CCN6: variants seen among roughly 807,000 people sequenced by gnomAD.
CCN6 encodes cellular communication network factor 6, also known as CCN family member 6.
CCN6 carries 31 observed loss-of-function variants against 37.4 expected under a neutral mutation model. The observed-to-expected ratio is 0.83, with a 90% CI of 0.62 to 1.12. The LOEUF (loss-of-function observed/expected upper bound fraction) is 1.12. CCN6 is among the 50% of genes most tolerant of loss of function. CCN6 has a pLI of 0.00. For synonymous variants in CCN6, 137 were observed against 142.1 expected (o/e 0.96, Z 0.26); for missense variants, 369 against 413.8 (o/e 0.89, Z 0.94).
At chr6:112,053,973 A>T, upstream of CCN6, 1 of 403,828 alleles carries the variant, frequency 2.5e-6, no homozygotes, top group Non-Finnish European at 4.7e-6. Context: ...GAGGGCAAGG[A>T]AGGGAATGAC....
intron 1 of CCN6, among the ~76,000 whole-genome samples, chr6:112,058,674 A>G (rs1776419891): frequency 6.6e-6 from 1 of 152,252 alleles, no homozygotes; most frequent in East Asian, 1.9e-4. Flanking sequence ...AGAATGTCCC[A>G]GGCAGGAGGA....
At chr6:112,057,541 C>A (rs895528758) in intron 1 of CCN6, among the ~76,000 whole-genome samples, 2 of 152,058 alleles carry the variant, frequency 1.3e-5, no homozygotes, top group African/African-American at 4.8e-5. Flanking sequence ...GGAAGACAAC[C>A]CAGATGAATC....
intron 3 of CCN6, among the ~76,000 whole-genome samples, chr6:112,067,628 G>A (rs1240256912): frequency 6.6e-6 from 1 of 152,088 alleles, no homozygotes; most frequent in Non-Finnish European, 1.5e-5. Context: ...TTATACGCTT[G>A]CAATGACTTT....
chr6:112,067,537 T>C (rs1776734820), intron 3 of CCN6, among the ~76,000 whole-genome samples: 1 of 152,140 alleles, frequency 6.6e-6, no homozygotes, highest in Non-Finnish European at 1.5e-5. Context: ...TTTTCATATG[T>C]AATTCGAAAT....
intron 1 of CCN6, chr6:112,054,819 A>G (rs1448546844): frequency 4.4e-6 from 1 of 228,504 alleles, no homozygotes; most frequent in Non-Finnish European, 8.8e-6. Context: ...GAATTTTGAC[A>G]GCGACTTTTT....
chr6:112,057,536 A>C (rs1307621804), intron 1 of CCN6, among the ~76,000 whole-genome samples: 1 of 152,190 alleles, frequency 6.6e-6, no homozygotes, highest in Non-Finnish European at 1.5e-5. Context: ...AGGGAGGAAG[A>C]CAACCCAGAT....
intron 3 of CCN6, chr6:112,067,083 A>G: frequency 7.7e-7 from 1 of 1,302,438 alleles, no homozygotes; most frequent in Non-Finnish European, 1.0e-6. Context: ...CAATTGCAAG[A>G]GACTCTACTG....
chr6:112,063,132 C>T (rs62414959), intron 2 of CCN6, among the ~76,000 whole-genome samples: 2 of 152,142 alleles, frequency 1.3e-5, no homozygotes, highest in African/African-American at 4.8e-5. Context: ...TAGAGTCGCA[C>T]ATTTGCTGCT....
intron 1 of CCN6, among the ~76,000 whole-genome samples, chr6:112,059,088 T>C (rs1776432657): frequency 6.6e-6 from 1 of 152,148 alleles, no homozygotes; most frequent in African/African-American, 2.4e-5. Flanking sequence ...TGCAGTATGA[T>C]TTGGACTAGG....
At chr6:112,069,176 TAAG>T (rs1776797123) in intron 4 of CCN6, among the ~76,000 whole-genome samples, 160 bp from the exon 5 acceptor site, 1 of 152,200 alleles carries the variant, frequency 6.6e-6, no homozygotes, top group African/African-American at 2.4e-5. Flanking sequence ...AGACCTCTGA[TAAG>T]AAGGGGATCT....
upstream of CCN6, chr6:112,053,953 T>C (rs587725059): frequency 2.6e-6 from 1 of 377,564 alleles, no homozygotes; most frequent in East Asian, 6.5e-5. Flanking sequence ...CAAACACAGA[T>C]GGAGAAGCTG....
At chr6:112,062,315 T>C (rs1052189130) in intron 2 of CCN6, among the ~76,000 whole-genome samples, 22 of 152,228 alleles carry the variant, frequency 1.4e-4, no homozygotes, top group African/African-American at 5.1e-4. Context: ...ATTGGAATCC[T>C]ATAATGAAAA....
At chr6:112,065,095 G>A in intron 3 of CCN6, 98 bp downstream of exon 3, 1 of 1,569,814 alleles carries the variant, frequency 6.4e-7, no homozygotes, top group Admixed American at 1.7e-5. Context: ...CTTGTTGATT[G>A]GTGGTCAGAG....
intron 2 of CCN6, 83 bp from the exon 3 acceptor site, chr6:112,064,672 G>C (rs1050501807): frequency 1.3e-6 from 2 of 1,598,910 alleles, no homozygotes; most frequent in Non-Finnish European, 1.7e-6. Context: ...GAGATGATCC[G>C]TTTCTTCTTA....
At chr6:112,062,817 G>C (rs183594615) in intron 2 of CCN6, among the ~76,000 whole-genome samples, 10 of 152,270 alleles carry the variant, frequency 6.6e-5, no homozygotes, top group Admixed American at 5.2e-4. Context: ...CTGATCAAGA[G>C]CAACATTTTA....
chr6:112,053,181 C>G (rs1776254766), upstream of CCN6, among the ~76,000 whole-genome samples: 1 of 152,072 alleles, frequency 6.6e-6, no homozygotes, highest in African/African-American at 2.4e-5. Context: ...AGGCTGAGAA[C>G]ATGGAGAAGC....
intron 2 of CCN6, chr6:112,061,519 T>C: frequency 1.8e-6 from 1 of 568,146 alleles, no homozygotes; most frequent in Non-Finnish European, 3.1e-6. Context: ...GATTTTGCAG[T>C]TCTTCTCAGG....
rs782355633 is a variant in CCN6 at position 112,054,413 on chromosome 6, C to G, written c.48+8C>G. On this transcript the variant is annotated splice_region_variant and intron_variant, in intron 1 of 4. Transcript: ENST00000368666. ...CTTGCTGGCCTGGCACAGGTAAGTC[C>G]TCTCCCCCGACTCTTTCCCTTCCGG... 5.0e-6 allele frequency: 8 copies of G among 1,612,994 alleles called. No individual in the cohort carries two copies. Among genetic ancestry groups the G allele is most frequent in the Non-Finnish European group, 6.8e-6 (8 of 1,179,688 alleles).
intron 1 of CCN6, among the ~76,000 whole-genome samples, chr6:112,058,329 CT>C (rs1776409439): frequency 6.6e-6 from 1 of 152,174 alleles, no homozygotes; most frequent in African/African-American, 2.4e-5. Context: ...CCTACAGATA[CT>C]TCTAAATGTA....
Sources: allele counts gnomAD v4.1 joint callset (sites outside exome capture counted in the v4.1 genomes callset), GRCh38; gene constraint gnomAD v4.1.1; transcripts MANE v1.5; gene names NCBI Gene and HGNC (gene_info 2026-07-23, HGNC 2026-07-21).